ARID5B: variants seen among roughly 807,000 people sequenced by gnomAD.
The protein encoded by ARID5B is AT-rich interactive domain-containing protein 5B.
A neutral mutation model predicts 97.2 loss-of-function variants in ARID5B; 13 were observed. The observed-to-expected ratio is 0.13, with a 90% CI of 0.09 to 0.21. The LOEUF (loss-of-function observed/expected upper bound fraction) is 0.21, where lower values mean the gene tolerates loss of function less well. Ranked by LOEUF, ARID5B falls within the 10% of genes least tolerant of loss-of-function variation. The pLI is 1.00. For synonymous variants in ARID5B, 556 were observed against 570.3 expected, an observed-to-expected ratio of 0.97 and a Z score of 0.36; for missense variants, 1,210 against 1,465.3, an observed-to-expected ratio of 0.83 and a Z score of 2.84.
chr10:61,989,914 T>C (rs1429814145), intron 3 of ARID5B, among the ~76,000 whole-genome samples: 3 of 152,202 alleles, frequency 2.0e-5, no homozygotes, highest in Admixed American at 6.5e-5. Context: ...TTTGACTCTT[T>C]AGTGCTCATA....
chr10:62,068,579 TC>T (rs1281099546), intron 7 of ARID5B, among the ~76,000 whole-genome samples: 1 of 151,922 alleles, frequency 6.6e-6, no homozygotes, highest in Admixed American at 6.6e-5. Context: ...CTTGGTGAAC[TC>T]CGCTGGCAGC....
At chr10:62,061,952 C>G (rs1190211244) in intron 7 of ARID5B, among the ~76,000 whole-genome samples, 1 of 152,196 alleles carries the variant, frequency 6.6e-6, no homozygotes, top group South Asian at 2.1e-4. Context: ...TCATCCCTTC[C>G]TCATTTCCTT....
At chr10:61,911,041 C>T (rs1188686811) in intron 2 of ARID5B, among the ~76,000 whole-genome samples, 1 of 152,164 alleles carries the variant, frequency 6.6e-6, no homozygotes, top group Non-Finnish European at 1.5e-5. Context: ...TTTCTCATGA[C>T]TCCAAGCACA....
rs1171632344 is a variant in ARID5B, at chr10:62,059,338, A to G, written c.1101+43A>G. 1.9e-6 allele frequency: 3 copies of G among 1,564,138 alleles called. No individual in the cohort carries two copies. The African/African-American group carries it at 4.1e-5, about 21-fold the overall frequency. On this transcript the variant is annotated intron_variant, in intron 7 of 9. Transcript: ENST00000279873. The stretch of plus-strand genomic sequence containing the variant: ...TTAAATGAAATAATTTTGCAATCTA[A>G]CTTTTCCCCTCTCTTTGACCAAAAT...
chr10:61,904,060 AC>A (rs1345623438), intron 2 of ARID5B, among the ~76,000 whole-genome samples: 2 of 20,366 alleles, frequency 9.8e-5, no homozygotes, highest in African/African-American at 3.8e-4. Context: ...CCCTCCCCCG[AC>A]CCAACTTTCC....
rs959481463 is a variant in ARID5B, at chr10:61,995,593, ACT to A, written c.503-4495_503-4494del. Among the ~76,000 whole-genome samples the A allele has an allele frequency of 2.5e-4, 38 of 151,996 alleles. 1 individual carries two copies. The highest frequency in any genetic ancestry group is 1.3e-4 in the Non-Finnish European group (9 of 67,998). ...TCTCTCCCCAAACTCAAAATTTTAT[ACT>A]CTGTTATACACACCTTTCATATAAA... On this transcript the variant is annotated intron_variant, in intron 3 of 9. Transcript: ENST00000279873.
chr10:61,992,864 A>G (rs1367592337), intron 3 of ARID5B, among the ~76,000 whole-genome samples: 1 of 152,152 alleles, frequency 6.6e-6, no homozygotes, highest in Non-Finnish European at 1.5e-5. Context: ...TTACAAAATC[A>G]TTAAGGGTGG....
rs144857556 is a variant in ARID5B, at chr10:61,992,134, G to A, written c.503-7957G>A. On this transcript the variant is annotated intron_variant, in intron 3 of 9. Coordinates refer to ENST00000279873, the MANE Select transcript of ARID5B (RefSeq NM_032199.3). The stretch of plus-strand genomic sequence containing the variant: ...GGCCCCATAGAATAACACCTCATAT[G>A]TGGTAACAACTTTACCTACATGTCA... 4.7e-4 allele frequency among the ~76,000 whole-genome samples: 71 copies of A among 152,300 alleles called. 2 individuals carry two copies. The highest frequency in any genetic ancestry group is 1.6e-3 in the African/African-American group (65 of 41,556).
chr10:62,086,561 T>C (rs111762676), intron 9 of ARID5B, among the ~76,000 whole-genome samples: 18,320 of 150,338 alleles, frequency 0.12, 1,245 homozygotes, highest in African/African-American at 0.17. Context: ...ATTAGCCAGG[T>C]GTGGTGGTGG....
chr10:61,938,682 ACACAGTTTC>A (rs1276373690), intron 2 of ARID5B, among the ~76,000 whole-genome samples: 1 of 152,136 alleles, frequency 6.6e-6, no homozygotes, highest in African/African-American at 2.4e-5. Context: ...CACGATAGAA[ACACAGTTTC>A]CACTTTGTCT....
At chr10:62,079,560 C>T (rs1012722656) in intron 8 of ARID5B, among the ~76,000 whole-genome samples, 1 of 152,188 alleles carries the variant, frequency 6.6e-6, no homozygotes, top group Non-Finnish European at 1.5e-5. Flanking sequence ...CCCCTGAAAT[C>T]CATGTAACTC....
In ARID5B at chr10:62,091,397, C is replaced by T. The variant is rs747321081; in HGVS notation, c.1934C>T (p.Thr645Ile). Residue 645 changes from threonine to isoleucine, a missense_variant, in exon 10 of 10, where the codon ACC (threonine) becomes ATC (isoleucine). Transcript: ENST00000279873. Reference sequence around the variant, plus strand: ...GACATCCACAATGCGCTCAAGCAGACCCCAAAGGTCCTTGTGGTCCAGTCG... The same window carrying T: ...GACATCCACAATGCGCTCAAGCAGATCCCAAAGGTCCTTGTGGTCCAGTCG... ...SDDIHNALKQ[T>I]PKVLVVQSFD... 1.2e-6 allele frequency: 2 copies of T among 1,613,788 alleles called. No individual in the cohort carries two copies. The highest frequency in any genetic ancestry group is 1.7e-5 in the Admixed American group (1 of 60,012).
chr10:61,973,490 T>C lies in ARID5B; in HGVS notation c.503-26601T>C, dbSNP rs557091771. Among the ~76,000 whole-genome samples the C allele has an allele frequency of 4.5e-4, 69 of 152,274 alleles. 1 individual carries two copies. The highest frequency in any genetic ancestry group is 1.5e-3 in the African/African-American group (62 of 41,556). On this transcript the variant is annotated intron_variant, in intron 3 of 9. Transcript: ENST00000279873. ...GCTTTTTTGATAAACAAGGATAAAT[T>C]GAAGTTTTAATAGACTGGGGCTACA...
chr10:62,055,424 G>A (rs969685148), intron 5 of ARID5B, among the ~76,000 whole-genome samples: 2 of 152,074 alleles, frequency 1.3e-5, no homozygotes, highest in East Asian at 1.9e-4. Flanking sequence ...CATAAACAGC[G>A]TTGAGAATGG....
intron 3 of ARID5B, among the ~76,000 whole-genome samples, chr10:61,991,264 A>T (rs1838921631): frequency 6.6e-6 from 1 of 152,202 alleles, no homozygotes; most frequent in African/African-American, 2.4e-5. Flanking sequence ...TTTTTAAGGA[A>T]GTCCCATACT....
chr10:62,065,620 C>T lies in ARID5B; in HGVS notation c.1102-4080C>T, dbSNP rs547058541. Among the ~76,000 whole-genome samples, 38 of 152,078 alleles carry T rather than the reference C, an allele frequency of 2.5e-4. 1 individual carries two copies. The highest frequency in any genetic ancestry group is 8.7e-4 in the African/African-American group (36 of 41,458). ...CAGCACTTTGGGAGGCCAAGATGGG[C>T]GGATCACGAGGTCAGGAGATCGAGA... On this transcript the variant is annotated intron_variant, in intron 7 of 9. Coordinates refer to ENST00000279873, the MANE Select transcript of ARID5B (RefSeq NM_032199.3).
intron 3 of ARID5B, among the ~76,000 whole-genome samples, chr10:61,975,678 A>G (rs1838689594): frequency 1.3e-5 from 2 of 152,216 alleles, no homozygotes; most frequent in South Asian, 4.1e-4. Flanking sequence ...TTGCATGAGT[A>G]CCATCATTAT....
intron 3 of ARID5B, among the ~76,000 whole-genome samples, chr10:61,975,160 G>C (rs962495778): frequency 2.6e-5 from 4 of 152,140 alleles, no homozygotes; most frequent in African/African-American, 9.7e-5. Flanking sequence ...CCAGAGCATA[G>C]TATATCATGC....
chr10:61,943,722 C>T (rs779296665), intron 3 of ARID5B, among the ~76,000 whole-genome samples: 11 of 151,932 alleles, frequency 7.2e-5, no homozygotes, highest in Non-Finnish European at 1.2e-4. Context: ...TGTGTCACTT[C>T]CTGTCTCTCT....
Sources: gnomAD v4.1 joint callset for allele counts (sites outside exome capture counted in the v4.1 genomes callset) on GRCh38, gnomAD v4.1.1 for gene constraint, MANE v1.5 for transcripts, NCBI Gene and HGNC (gene_info 2026-07-23, HGNC 2026-07-21) for gene names.